Variants in RPGRIP1 observed in about 807,000 individuals in gnomAD.
RPGRIP1 encodes the protein X-linked retinitis pigmentosa GTPase regulator-interacting protein 1.
In RPGRIP1, 128 loss-of-function variants were observed where a neutral mutation model predicts 157.9. The ratio of observed to expected loss-of-function variants is 0.81; its 90% CI spans 0.70 to 0.94. RPGRIP1 has a LOEUF of 0.94. Among genes scored for constraint, RPGRIP1 ranks in the 40% least tolerant of loss-of-function variants. The pLI is 0.00. For synonymous variants in RPGRIP1, 554 were observed against 571.6 expected (o/e 0.97, Z 0.44); for missense variants, 1,486 against 1,545.8 (o/e 0.96, Z 0.65).
At chr14:21,283,753 G>T (rs985848412) in intron 1 of RPGRIP1, among the ~76,000 whole-genome samples, 1 of 152,024 alleles carries the variant, frequency 6.6e-6, no homozygotes, top group Non-Finnish European at 1.5e-5. Context: ...CACCTGCCGG[G>T]TTGAAGCGAT....
intron 6 of RPGRIP1, among the ~76,000 whole-genome samples, chr14:21,305,455 C>T (rs145620665): frequency 1.3e-5 from 2 of 152,262 alleles, no homozygotes; most frequent in African/African-American, 2.4e-5. Context: ...ATTCAGCTAC[C>T]GAAAGATGTC....
chr14:21,342,695 T>A (rs1247399015), intron 21 of RPGRIP1, among the ~76,000 whole-genome samples: 1 of 152,090 alleles, frequency 6.6e-6, no homozygotes, highest in Non-Finnish European at 1.5e-5. Flanking sequence ...CAACCTCCCA[T>A]CATCCACCCT....
intron 1 of RPGRIP1, among the ~76,000 whole-genome samples, chr14:21,286,606 G>A (rs778422035): frequency 2.0e-5 from 3 of 151,762 alleles, no homozygotes; most frequent in African/African-American, 4.8e-5. Context: ...ACCAGCCTGA[G>A]CAACACAGTG....
chr14:21,286,688 G>A (rs1464656072), intron 1 of RPGRIP1, among the ~76,000 whole-genome samples: 3 of 151,922 alleles, frequency 2.0e-5, no homozygotes, highest in Non-Finnish European at 2.9e-5. Context: ...TCAGCTACTT[G>A]GGAGGCTGAG....
chr14:21,321,170 A>C (rs1882416428), intron 12 of RPGRIP1, 89 bp from the exon 13 acceptor site: 1 of 1,349,710 alleles, frequency 7.4e-7, no homozygotes, highest in South Asian at 1.5e-5. Context: ...CTGGCATTTT[A>C]CTACTACCAA....
At chr14:21,337,735 G>A (rs1382992876) in intron 21 of RPGRIP1, among the ~76,000 whole-genome samples, 3 of 146,540 alleles carry the variant, frequency 2.0e-5, no homozygotes, top group South Asian at 2.2e-4. Context: ...GAGCCACTGC[G>A]CCCGGCCTAG....
At chr14:21,297,334 A>T (rs1022094436) in intron 3 of RPGRIP1, among the ~76,000 whole-genome samples, 8 of 152,102 alleles carry the variant, frequency 5.3e-5, no homozygotes, top group African/African-American at 1.9e-4. Context: ...TCCTCAAGTG[A>T]TCCGCCTGCC....
At chr14:21,337,864 T>A (rs971154364) in intron 21 of RPGRIP1, among the ~76,000 whole-genome samples, 5 of 148,462 alleles carry the variant, frequency 3.4e-5, no homozygotes, top group Non-Finnish European at 7.4e-5. Flanking sequence ...CAAGCGACTC[T>A]CCTGCCTCAG....
intron 1 of RPGRIP1, among the ~76,000 whole-genome samples, chr14:21,286,422 T>C (rs1204241281): frequency 1.3e-5 from 2 of 149,480 alleles, no homozygotes; most frequent in Non-Finnish European, 2.9e-5. Flanking sequence ...AAGATGAGAC[T>C]GGTAAGATAA....
intron 1 of RPGRIP1, among the ~76,000 whole-genome samples, chr14:21,281,704 AAAT>A (rs59116272): frequency 0.019 from 2,567 of 133,940 alleles, 81 homozygotes; most frequent in African/African-American, 0.062. Context: ...AAAAAAAAAT[AAAT>A]AATAATAATA....
intron 17 of RPGRIP1, among the ~76,000 whole-genome samples, chr14:21,326,976 C>T (rs1481973109): frequency 6.6e-6 from 1 of 151,986 alleles, no homozygotes; most frequent in Admixed American, 6.6e-5. Context: ...TCTTTGACTA[C>T]AGTCCTGGGA....
At position 21,350,904 on chromosome 14, in the gene RPGRIP1, T is replaced by C. The variant is rs1015469934; in HGVS notation, c.3749-200T>C. 3.3e-5 allele frequency among the ~76,000 whole-genome samples: 5 copies of C among 152,310 alleles called. No individual in the cohort carries two copies. In the South Asian group the frequency reaches 6.2e-4, roughly 19 times the overall value. On this transcript the variant is annotated intron_variant, in intron 24 of 24. Transcript: ENST00000400017. ...GTCCATTCTGGTGCAGATGCCTCGT[T>C]ATGTCCCCAAAGCAACTTGTGCTTC... is the stretch of plus-strand genomic sequence containing the variant.
rs777125547 is a variant in RPGRIP1 at position 21,303,398 on chromosome 14, T to C, written c.655T>C (p.Cys219Arg). 1.9e-6 allele frequency: 3 copies of C among 1,613,812 alleles called. No individual in the cohort carries two copies. Among genetic ancestry groups the C allele is most frequent in the Non-Finnish European group, 2.5e-6 (3 of 1,179,864 alleles). The change falls in exon 6 of 25, where the codon TGC (cysteine) becomes CGC (arginine). Residue 219 changes from cysteine to arginine, a missense_variant. Physicochemically the swap from Cys to Arg is radical, Grantham distance 180. Coordinates refer to ENST00000400017, the MANE Select transcript of RPGRIP1 (RefSeq NM_020366.4). ...VISMAKPIGL[C>R]MPNSAHIMAS... Reference sequence around the variant, plus strand: ...AAGTATGGCTAAACCCATTGGTCTATGCATGCCTAACAGTGCCCACATCAT... The same window carrying C: ...AAGTATGGCTAAACCCATTGGTCTACGCATGCCTAACAGTGCCCACATCAT...
chr14:21,305,269 G>A (rs1004551267), intron 6 of RPGRIP1, among the ~76,000 whole-genome samples: 1 of 152,078 alleles, frequency 6.6e-6, no homozygotes, highest in African/African-American at 2.4e-5. Context: ...CTCCAGTTTT[G>A]CCTCTTCTAG....
At chr14:21,322,682 A>C (rs899533758) in intron 14 of RPGRIP1, among the ~76,000 whole-genome samples, 1 of 151,900 alleles carries the variant, frequency 6.6e-6, no homozygotes, top group Non-Finnish European at 1.5e-5. Flanking sequence ...CCTCTCTCCT[A>C]GTCACTGTTT....
chr14:21,341,623 T>C (rs766418530), intron 21 of RPGRIP1, among the ~76,000 whole-genome samples: 1 of 152,078 alleles, frequency 6.6e-6, no homozygotes, highest in Non-Finnish European at 1.5e-5. Context: ...CCTGCCACAC[T>C]GTGGAAGGAG....
At chr14:21,316,045 C>T (rs150896808) in intron 10 of RPGRIP1, among the ~76,000 whole-genome samples, 2 of 148,702 alleles carry the variant, frequency 1.3e-5, no homozygotes, top group Non-Finnish European at 3.0e-5. Flanking sequence ...GGCGCAGTCT[C>T]GGCTCACTGC....
chr14:21,345,543 TA>T (rs138026717), intron 23 of RPGRIP1, among the ~76,000 whole-genome samples: 14,276 of 151,566 alleles, frequency 0.094, 852 homozygotes, highest in Middle Eastern at 0.2. Flanking sequence ...GCTAGGGTTA[TA>T]GGCATGTGCC....
chr14:21,294,388 G>A (rs1049831344), intron 2 of RPGRIP1, among the ~76,000 whole-genome samples: 8 of 151,712 alleles, frequency 5.3e-5, no homozygotes, highest in Admixed American at 2.6e-4. Flanking sequence ...GTGCCACCAC[G>A]CCCAGCTAAT....
Sources: gnomAD v4.1 joint callset for allele counts (sites outside exome capture counted in the v4.1 genomes callset) on GRCh38, gnomAD v4.1.1 for gene constraint, MANE v1.5 for transcripts, NCBI Gene and HGNC (gene_info 2026-07-23, HGNC 2026-07-21) for gene names.